REDIC1: variants seen among roughly 807,000 people sequenced by gnomAD.
The protein encoded by REDIC1 is regulator of DNA class I crossover intermediates 1, also known as HEI10 Interacting Protein 1.
chr12:39,683,516 A>G, the REDIC1 span: 1 of 1,463,350 alleles, frequency 6.8e-7, no homozygotes, highest in Admixed American at 1.7e-5. Flanking sequence ...GGGAATACAA[A>G]TCAGGATCTA....
At chr12:39,896,563 T>C in the REDIC1 span, among the ~76,000 whole-genome samples, 11 of 112,136 alleles carry the variant, frequency 9.8e-5, no homozygotes, top group African/African-American at 3.4e-4. Context: ...CATGTATACA[T>C]ATATGTATGT....
the REDIC1 span, among the ~76,000 whole-genome samples, chr12:39,906,931 TTTTA>T: frequency 6.6e-6 from 1 of 152,156 alleles, no homozygotes; most frequent in African/African-American, 2.4e-5. Flanking sequence ...CAAAATATAT[TTTTA>T]TTTGATTCTT....
chr12:39,886,987 T>C, the REDIC1 span, among the ~76,000 whole-genome samples: 1 of 152,176 alleles, frequency 6.6e-6, no homozygotes, highest in African/African-American at 2.4e-5. Context: ...TAAGAGGCAA[T>C]ACTAAACATT....
the REDIC1 span, among the ~76,000 whole-genome samples, chr12:39,749,233 G>A: frequency 1.3e-5 from 2 of 151,846 alleles, no homozygotes; most frequent in African/African-American, 4.8e-5. Flanking sequence ...AATGATAAAG[G>A]GGATATCACC....
the REDIC1 span, among the ~76,000 whole-genome samples, chr12:39,735,136 G>A: frequency 6.6e-6 from 1 of 152,142 alleles, no homozygotes; most frequent in African/African-American, 2.4e-5. Context: ...TGGGAGTGAT[G>A]TGCTACCATA....
chr12:39,634,233 G>C, the REDIC1 span, among the ~76,000 whole-genome samples: 1 of 152,068 alleles, frequency 6.6e-6, no homozygotes, highest in Non-Finnish European at 1.5e-5. Flanking sequence ...CTCTCTGTTT[G>C]TCTATTATTG....
the REDIC1 span, among the ~76,000 whole-genome samples, chr12:39,773,101 C>T: frequency 1.6e-4 from 24 of 152,066 alleles, no homozygotes; most frequent in African/African-American, 4.8e-4. Context: ...ATAATGCTCC[C>T]GAAAAGGAAC....
chr12:39,673,484 C>G, the REDIC1 span, among the ~76,000 whole-genome samples: 1 of 152,184 alleles, frequency 6.6e-6, no homozygotes, highest in Non-Finnish European at 1.5e-5. Context: ...TCTTATTGCT[C>G]TTTTCAAAAG....
chr12:39,712,620 T>G, the REDIC1 span, among the ~76,000 whole-genome samples: 1 of 145,540 alleles, frequency 6.9e-6, no homozygotes, highest in African/African-American at 2.5e-5. Flanking sequence ...TATATAGATA[T>G]GTGTATATAT....
At chr12:39,658,015 A>G in the REDIC1 span, among the ~76,000 whole-genome samples, 4 of 151,814 alleles carry the variant, frequency 2.6e-5, no homozygotes, top group South Asian at 2.1e-4. Context: ...TAAATTCTCT[A>G]CTAACTGCTG....
chr12:39,755,100 AGAT>A, the REDIC1 span: 6 of 152,042 alleles, frequency 3.9e-5, no homozygotes, highest in Non-Finnish European at 7.4e-5. Flanking sequence ...TTTTAAAAAA[AGAT>A]TTTAATTTTA....
the REDIC1 span, chr12:39,829,997 G>T: frequency 7.3e-7 from 1 of 1,367,666 alleles, no homozygotes; most frequent in Non-Finnish European, 1.0e-6. Context: ...TAGTTATGAA[G>T]GCCAGTTTAA....
chr12:39,878,274 G>A, the REDIC1 span, among the ~76,000 whole-genome samples: 2 of 152,322 alleles, frequency 1.3e-5, no homozygotes, highest in African/African-American at 2.4e-5. Flanking sequence ...TGGAAGTGAC[G>A]TTGGCACTGT....
the REDIC1 span, chr12:39,684,940 C>A: frequency 6.3e-7 from 1 of 1,587,772 alleles, no homozygotes; most frequent in Middle Eastern, 1.7e-4. Flanking sequence ...AAAGCACAGT[C>A]TCACATTATC....
At chr12:39,783,394 G>A in the REDIC1 span, among the ~76,000 whole-genome samples, 4 of 152,324 alleles carry the variant, frequency 2.6e-5, no homozygotes, top group South Asian at 6.2e-4. Flanking sequence ...CCAGCAATGG[G>A]ATGGCTGTGT....
the REDIC1 span, among the ~76,000 whole-genome samples, chr12:39,817,997 C>T: frequency 6.6e-6 from 1 of 152,154 alleles, no homozygotes; most frequent in Non-Finnish European, 1.5e-5. Flanking sequence ...TCTGCTTTGT[C>T]CTTTCAAGTA....
chr12:39,780,657 T>C, the REDIC1 span, among the ~76,000 whole-genome samples: 8 of 152,168 alleles, frequency 5.3e-5, no homozygotes, highest in Non-Finnish European at 8.8e-5. Context: ...CATATCAATC[T>C]CAATGACTAA....
At chr12:39,693,677 G>T in the REDIC1 span, among the ~76,000 whole-genome samples, 1 of 152,058 alleles carries the variant, frequency 6.6e-6, no homozygotes, top group Non-Finnish European at 1.5e-5. Context: ...ATGAACTGTA[G>T]TTTTTTCAGT....
the REDIC1 span, among the ~76,000 whole-genome samples, chr12:39,702,837 A>T: frequency 5.9e-5 from 9 of 152,208 alleles, no homozygotes; most frequent in African/African-American, 2.2e-4. Flanking sequence ...CAAAAACCAC[A>T]TGATTATCTC....
Sources: gnomAD v4.1 joint callset for allele counts (sites outside exome capture counted in the v4.1 genomes callset) on GRCh38, gnomAD v4.1.1 for gene constraint, MANE v1.5 for transcripts, NCBI Gene and HGNC (gene_info 2026-07-23, HGNC 2026-07-21) for gene names.